DLG3: variants seen among roughly 807,000 people sequenced by gnomAD.
The protein encoded by DLG3 is discs large MAGUK scaffold protein 3.
A neutral mutation model predicts 64.1 loss-of-function variants in DLG3; 1 was observed. That is an observed-to-expected ratio of 0.02 (90% CI 0.01 to 0.07). DLG3 has a LOEUF of 0.07. DLG3 is among the 10% of genes least tolerant of loss of function. The pLI, the probability that DLG3 is intolerant of heterozygous loss-of-function variation, is 1.00. For synonymous variants in DLG3, 245 were observed against 259.8 expected (o/e 0.94, Z 0.55); for missense variants, 429 against 669.5 (o/e 0.64, Z 3.96).
chrX:70,487,502 C>A (rs1048318116), intron 10 of DLG3, among the ~76,000 whole-genome samples: 2 of 111,133 alleles, frequency 1.8e-5, no homozygotes, highest in African/African-American at 6.5e-5. Flanking sequence ...CCCTGTGAAT[C>A]CTTCTAGGCC....
At chrX:70,474,323 C>G (rs965187344) in intron 9 of DLG3, among the ~76,000 whole-genome samples, 1 of 110,209 alleles carries the variant, frequency 9.1e-6, no homozygotes, top group African/African-American at 3.3e-5. Context: ...AGCAGTGGCC[C>G]AGAGAAGAGA....
Position 70,449,442 on chromosome X carries a change from G to C in DLG3, c.492G>C (p.Lys164Asn). 8.3e-7 allele frequency: 1 copy of C among 1,211,639 alleles called. No individual in the cohort carries two copies. The highest frequency in any genetic ancestry group is 3.0e-5 in the East Asian group (1 of 33,837). ...VPDDPGIFIT[K>N]IIPGGAAAMD... ...ATGACCCTGGCATCTTTATTACCAAGATTATCCCTGGTGGAGCAGCTGCCA... is the reference window on the plus strand; with the variant it reads ...ATGACCCTGGCATCTTTATTACCAACATTATCCCTGGTGGAGCAGCTGCCA... The change falls in exon 3 of 19, where the codon AAG becomes AAC. Residue 164 changes from lysine to asparagine, a missense_variant. Physicochemically the swap from Lys to Asn is moderately conservative, Grantham distance 94. This residue lies in a region of DLG3 where 73 missense variants were observed against 158.5 expected (regional missense o/e 0.46). Transcript: ENST00000374360.
At chrX:70,470,958 G>A (rs1172483884) in intron 9 of DLG3, among the ~76,000 whole-genome samples, 2 of 111,149 alleles carry the variant, frequency 1.8e-5, no homozygotes, top group Admixed American at 9.6e-5. Flanking sequence ...TTGCAGAAGT[G>A]GTTCGTGGTT....
intron 1 of DLG3, chrX:70,448,462 A>G: frequency 1.7e-6 from 1 of 577,012 alleles, no homozygotes; most frequent in Non-Finnish European, 2.7e-6. Context: ...TCCCCCAGTC[A>G]GGGAGAACTG....
At chrX:70,445,625 C>T in intron 1 of DLG3, 67 bp downstream of exon 1, 1 of 1,034,065 alleles carries the variant, frequency 9.7e-7, no homozygotes, top group Non-Finnish European at 1.3e-6. Context: ...GGCCTAGAGG[C>T]CTGGGATGCA....
chrX:70,460,462 C>A (rs188970549), intron 9 of DLG3, among the ~76,000 whole-genome samples: 118 of 111,709 alleles, frequency 1.1e-3, no homozygotes, highest in African/African-American at 3.7e-3. Flanking sequence ...GTTGGGGGAA[C>A]CCCAGGAGGA....
At chrX:70,489,460 G>A (rs940500669) in intron 10 of DLG3, among the ~76,000 whole-genome samples, 1 of 109,692 alleles carries the variant, frequency 9.1e-6, no homozygotes, top group African/African-American at 3.3e-5. Flanking sequence ...CCACCACCCC[G>A]CCCAGATAAT....
At chrX:70,474,485 C>T (rs978038075) in intron 9 of DLG3, among the ~76,000 whole-genome samples, 4 of 108,440 alleles carry the variant, frequency 3.7e-5, no homozygotes, top group South Asian at 4.1e-4. Flanking sequence ...AAGGGGGTGT[C>T]GTTTACAGTA....
At chrX:70,459,803 C>T (rs1303983662) in intron 9 of DLG3, among the ~76,000 whole-genome samples, 1 of 111,435 alleles carries the variant, frequency 9.0e-6, no homozygotes, top group East Asian at 2.8e-4. Context: ...GAGTGACTTG[C>T]TCAGGGTCAC....
intron 12 of DLG3, among the ~76,000 whole-genome samples, chrX:70,494,877 G>A (rs1176605149): frequency 8.9e-6 from 1 of 112,793 alleles, no homozygotes; most frequent in Non-Finnish European, 1.9e-5. Flanking sequence ...TTTGAACAGA[G>A]TGAATCAGTA....
Position 70,445,162 on chromosome X carries a change from C to A in DLG3, c.-40C>A. The stretch of plus-strand genomic sequence containing the variant: ...GCGGCGGTGGCGGCGGCGTGGAATC[C>A]GGCGTGGGCTGGGGGGTCCGAGCCG... On this transcript the variant is annotated 5_prime_UTR_variant, in exon 1 of 19. Coordinates refer to ENST00000374360, the MANE Select transcript of DLG3 (RefSeq NM_021120.4). The A allele has an allele frequency of 2.8e-6, 3 of 1,061,867 alleles. No homozygotes were observed. In the South Asian group the frequency reaches 6.4e-5, roughly 23 times the overall value. 87.5% of individuals were successfully genotyped at this position (1,061,867 alleles called of 1,213,427 possible). A position where few individuals can be genotyped will look rare whatever the true frequency, so the allele number is the denominator to read the frequency against.
intron 9 of DLG3, among the ~76,000 whole-genome samples, chrX:70,454,634 G>A (rs942656351): frequency 8.9e-6 from 1 of 112,025 alleles, no homozygotes; most frequent in Non-Finnish European, 1.9e-5. Context: ...GCCCACAGGA[G>A]AAGACTGGGA....
chrX:70,495,431 T>C lies in DLG3; in HGVS notation c.1797T>C (p.Asp599=). The C allele has an allele frequency of 2.5e-6, 3 of 1,210,498 alleles. No individual in the cohort carries two copies. The highest frequency in any genetic ancestry group is 1.7e-5 in the African/African-American group (1 of 57,596). Residue 599 remains aspartate (D), a synonymous_variant, in exon 13 of 19, where the codon GAT becomes GAC. Coordinates refer to ENST00000374360, the MANE Select transcript of DLG3 (RefSeq NM_021120.4). ...SNRDFPGLSD[D]YYGAKNLKGQ... ...AGGACTTCCCGGGGTTAAGTGACGA[T>C]TATTATGGAGCAAAGAACCTGAGTA...
rs1369570989 is a variant in DLG3 at position 70,452,104 on chromosome X, A to G, written c.1145+78A>G. ...GAGGAATCCGTTTCTGGCCGGCCAC[A>G]GGCTCCTTGTAGTATGGCAAAGAAG... On this transcript the variant is annotated intron_variant, in intron 7 of 18. Transcript: ENST00000374360. 1.0e-5 allele frequency: 12 copies of G among 1,154,195 alleles called. No homozygotes were observed. In the African/African-American group the frequency reaches 2.2e-4, roughly 21 times the overall value.
intron 13 of DLG3, among the ~76,000 whole-genome samples, chrX:70,496,426 C>T (rs1050252317): frequency 8.9e-6 from 1 of 112,514 alleles, no homozygotes; most frequent in Non-Finnish European, 1.9e-5. Context: ...GATGGGCGGG[C>T]TTTGTTTGTG....
rs35640309 is a variant in DLG3 at position 70,486,669 on chromosome X, T to TTTC, written c.1521-5438_1521-5437insTTC. ...CTTTTGCTTTTTTTTTTTTTTTTTT[T>TTTC]CATGCTCACTCTAATTTTGAGTCAG... is the stretch of plus-strand genomic sequence containing the variant. On this transcript the variant is annotated intron_variant, in intron 10 of 18. Transcript: ENST00000374360. 6.4e-4 allele frequency among the ~76,000 whole-genome samples: 65 copies of TTTC among 102,037 alleles called. 2 individuals are homozygous for TTTC. The highest frequency in any genetic ancestry group is 4.9e-3 in the Middle Eastern group (1 of 204). 88.6% of individuals were successfully genotyped at this position (102,037 alleles called of 115,157 possible).
At chrX:70,483,514 G>T (rs1022285793) in intron 10 of DLG3, among the ~76,000 whole-genome samples, 18 of 112,509 alleles carry the variant, frequency 1.6e-4, no homozygotes, top group Non-Finnish European at 3.4e-4. Flanking sequence ...TGATTATTTT[G>T]CTGTCGCTTT....
At chrX:70,455,202 G>C (rs914453670) in intron 9 of DLG3, 1 of 752,592 alleles carries the variant, frequency 1.3e-6, no homozygotes, top group Admixed American at 8.6e-5. Flanking sequence ...CGCGCGGGAC[G>C]GAGGGACTGG....
At chrX:70,448,370 G>A (rs999595223) in intron 1 of DLG3, among the ~76,000 whole-genome samples, 1 of 112,301 alleles carries the variant, frequency 8.9e-6, no homozygotes, top group Non-Finnish European at 1.9e-5. Flanking sequence ...CTGGGCCTCC[G>A]TGTCACCTAC....
Sources: allele counts gnomAD v4.1 joint callset (sites outside exome capture counted in the v4.1 genomes callset), GRCh38; gene constraint gnomAD v4.1.1; regional missense constraint gnomAD v4.1.1; transcripts MANE v1.5; gene names NCBI Gene and HGNC (gene_info 2026-07-23, HGNC 2026-07-21).